The following UGT1A7 variants were observed in gnomAD, a reference collection of about 807,000 sequenced individuals.
UGT1A7 encodes the protein UDP glucuronosyltransferase family 1 member A7.
A neutral mutation model predicts 45.6 loss-of-function variants in UGT1A7; 33 were observed. That is an observed-to-expected ratio of 0.72 (90% confidence interval 0.55 to 0.97). UGT1A7 has a LOEUF of 0.97. UGT1A7 is among the 50% of genes least tolerant of loss of function. The pLI is 0.00. For missense variants in UGT1A7, 684 were observed against 666.2 expected (o/e 1.03, Z -0.29); for synonymous variants, 274 against 250.6 (o/e 1.09, Z -0.88).
rs28898618 is a variant in UGT1A7, at chr2:233,729,359, C to T, written c.856-37675C>T. ...AAAGAAGAGAACTTTTTCACCCTGA[C>T]AACCTATGCCATTTCGTGGACCCAG... is the stretch of plus-strand genomic sequence containing the variant. On this transcript the variant is annotated intron_variant, in intron 1 of 4. Transcript: ENST00000373426. 8.4e-4 allele frequency: 1,362 copies of T among 1,614,128 alleles called. 14 individuals are homozygous for T. The African/African-American group carries it at 0.016, about 19-fold the overall frequency.
intron 1 of UGT1A7, among the ~76,000 whole-genome samples, chr2:233,766,688 C>T (rs1199007770): frequency 2.6e-5 from 4 of 152,166 alleles, no homozygotes; most frequent in Admixed American, 6.5e-5. Context: ...TTCTGTATCA[C>T]TGATGCCTTG....
At chr2:233,718,197 C>CT (rs1159094218) in intron 1 of UGT1A7, among the ~76,000 whole-genome samples, 6 of 152,152 alleles carry the variant, frequency 3.9e-5, no homozygotes, top group East Asian at 1.9e-4. Flanking sequence ...CTCCCCGGAG[C>CT]TTTTTTTTAT....
chr2:233,724,899 C>G lies in UGT1A7; in HGVS notation c.855+42107C>G, dbSNP rs1488264154. On this transcript the variant is annotated intron_variant, in intron 1 of 4. Transcript: ENST00000373426. ...CGGAGATCACGCCACTGCACTCCAGCCTGGGCACCATTGAGCACTGAGTGA... is the reference window on the plus strand; with the variant it reads ...CGGAGATCACGCCACTGCACTCCAGGCTGGGCACCATTGAGCACTGAGTGA... Among the ~76,000 whole-genome samples the G allele has an allele frequency of 2.9e-5, 4 of 138,200 alleles. No homozygotes were observed. In the East Asian group the frequency reaches 8.6e-4, roughly 30 times the overall value. The allele number at this position is 138,200 out of a possible 152,430, so 90.7% of individuals were successfully genotyped here.
chr2:233,738,866 G>C (rs1369397028), intron 1 of UGT1A7: 1 of 152,204 alleles, frequency 6.6e-6, no homozygotes, highest in Non-Finnish European at 1.5e-5. Context: ...TGGGGAAAAT[G>C]GCTCCAGGGC....
intron 1 of UGT1A7, chr2:233,755,094 G>A (rs1173383438): frequency 1.5e-6 from 2 of 1,335,004 alleles, no homozygotes; most frequent in Non-Finnish European, 2.0e-6. Flanking sequence ...GCGTTTCTAC[G>A]CGTCCGACAA....
intron 1 of UGT1A7, among the ~76,000 whole-genome samples, chr2:233,694,785 T>TA (rs2075240916): frequency 1.3e-5 from 2 of 152,176 alleles, no homozygotes; most frequent in African/African-American, 4.8e-5. Context: ...GGGATGGGGA[T>TA]AACTGAAATG....
At chr2:233,692,842 T>C in intron 1 of UGT1A7, 7 of 1,452,474 alleles carry the variant, frequency 4.8e-6, no homozygotes, top group Non-Finnish European at 6.3e-6. Flanking sequence ...AATGGTTAAA[T>C]ATTAATTTGG....
At chr2:233,696,988 G>A (rs914918936) in intron 1 of UGT1A7, among the ~76,000 whole-genome samples, 8 of 151,918 alleles carry the variant, frequency 5.3e-5, no homozygotes, top group African/African-American at 7.2e-5. Context: ...CTGGTGTTTC[G>A]TTGAGATTTT....
At chr2:233,721,293 A>G (rs2076934604) in intron 1 of UGT1A7, among the ~76,000 whole-genome samples, 2 of 152,196 alleles carry the variant, frequency 1.3e-5, no homozygotes, top group African/African-American at 4.8e-5. Flanking sequence ...TTAGGAAGGC[A>G]TTTGAATAGT....
At chr2:233,694,504 C>T (rs1266063005) in intron 1 of UGT1A7, among the ~76,000 whole-genome samples, 2 of 152,150 alleles carry the variant, frequency 1.3e-5, no homozygotes, top group African/African-American at 4.8e-5. Flanking sequence ...TACAGATGCC[C>T]TCCTGACATG....
In UGT1A7 at chr2:233,754,158, G is replaced by A. The variant is rs28900389; in HGVS notation, c.856-12876G>A. 9.6e-3 allele frequency: 1,492 copies of A among 156,116 alleles called. 22 individuals carry two copies. The highest frequency in any genetic ancestry group is 0.034 in the African/African-American group (1,420 of 41,562). 9.7% of individuals were successfully genotyped at this position (156,116 alleles called of 1,614,324 possible). A position where few individuals can be genotyped will look rare whatever the true frequency, so the allele number is the denominator to read the frequency against. On this transcript the variant is annotated intron_variant, in intron 1 of 4. Transcript: ENST00000373426. The stretch of plus-strand genomic sequence containing the variant: ...AAAGCCATCATTAAATTAAGCCAGA[G>A]TATTAATATATTCATAGATTTCACC...
intron 1 of UGT1A7, among the ~76,000 whole-genome samples, chr2:233,738,020 A>G (rs1165451282): frequency 6.6e-6 from 1 of 152,034 alleles, no homozygotes; most frequent in African/African-American, 2.4e-5. Context: ...TTGAATTGTA[A>G]TCCCCATAAT....
chr2:233,688,315 G>A (rs2074887766), intron 1 of UGT1A7, among the ~76,000 whole-genome samples: 3 of 152,154 alleles, frequency 2.0e-5, no homozygotes. Context: ...TCATCAGTTG[G>A]TGGACATTTG....
rs1180664629 is a variant in UGT1A7, at chr2:233,724,483, C to T, written c.855+41691C>T. On this transcript the variant is annotated intron_variant, in intron 1 of 4. Coordinates refer to ENST00000373426, the MANE Select transcript of UGT1A7 (RefSeq NM_019077.3). ...GCGGAGGGGCTCCTCACTTCTCAGA[C>T]GGGGCGGCCGGGCAGAGACGCTCCT... 7.2e-3 allele frequency among the ~76,000 whole-genome samples: 496 copies of T among 68,798 alleles called. 18 individuals are homozygous for T. The highest frequency in any genetic ancestry group is 0.025 in the African/African-American group (456 of 18,100). The allele number at this position is 68,798 out of a possible 152,430, so 45.1% of individuals were successfully genotyped here. A position where few individuals can be genotyped will look rare whatever the true frequency, so the allele number is the denominator to read the frequency against.
chr2:233,746,338 A>G (rs1693368906), intron 1 of UGT1A7, among the ~76,000 whole-genome samples: 1 of 151,758 alleles, frequency 6.6e-6, no homozygotes, highest in South Asian at 2.1e-4. Flanking sequence ...GGCAATGGAC[A>G]TGTTTATGTT....
At chr2:233,715,800 A>G (rs144113297) in intron 1 of UGT1A7, among the ~76,000 whole-genome samples, 21 of 152,308 alleles carry the variant, frequency 1.4e-4, no homozygotes, top group African/African-American at 4.8e-4. Context: ...TTGGAATGTG[A>G]AAATCTTGTT....
chr2:233,760,637 A>G (rs1399740159), intron 1 of UGT1A7: 1 of 1,614,182 alleles, frequency 6.2e-7, no homozygotes, highest in South Asian at 1.1e-5. Context: ...AAGAAAATAA[A>G]AAAGGACTCT....
intron 1 of UGT1A7, among the ~76,000 whole-genome samples, chr2:233,715,015 TACAGGCGCATGGCACC>T (rs1363692546): frequency 6.6e-6 from 1 of 152,224 alleles, no homozygotes; most frequent in African/African-American, 2.4e-5. Flanking sequence ...TAGCTGGAAC[TACAGGCGCATGGCACC>T]ACATCCAGCT....
chr2:233,757,298 TG>T (rs1270061010), intron 1 of UGT1A7, among the ~76,000 whole-genome samples: 3 of 5,528 alleles, frequency 5.4e-4, no homozygotes, highest in Non-Finnish European at 9.8e-4. Context: ...AGCTGGGGGT[TG>T]GGGGACAGGG....
Sources: allele counts gnomAD v4.1 joint callset (sites outside exome capture counted in the v4.1 genomes callset), GRCh38; gene constraint gnomAD v4.1.1; transcripts MANE v1.5; gene names NCBI Gene and HGNC (gene_info 2026-07-23, HGNC 2026-07-21).